RHCG: variants seen among roughly 807,000 people sequenced by gnomAD.
RHCG encodes Rh family C glycoprotein, also known as ammonium transporter Rh type C.
In RHCG, 39 loss-of-function variants were observed where a neutral mutation model predicts 55.3. The observed-to-expected ratio is 0.70, with a 90% confidence interval of 0.55 to 0.92. The LOEUF (loss-of-function observed/expected upper bound fraction) is 0.92. Ranked by LOEUF, RHCG falls within the 40% of genes least tolerant of loss-of-function variation. The pLI is 0.00. For missense variants in RHCG, 635 were observed against 627.9 expected (o/e 1.01, Z -0.12); for synonymous variants, 250 against 246.8 (o/e 1.01, Z -0.12).
In RHCG at chr15:89,471,504, G is replaced by A. The variant is rs1168162084; in HGVS notation, c.*376C>T. On this transcript the variant is annotated 3_prime_UTR_variant, in exon 11 of 11. Transcript: ENST00000268122. ...CCAGGGAGCATAGGAGATGCTGGCC[G>A]AGGTGCAGGCACGGGGTAGAAGAGC... is the stretch of plus-strand genomic sequence containing the variant. 2.6e-5 allele frequency: 4 copies of A among 152,454 alleles called. No homozygotes were observed. The highest frequency in any genetic ancestry group is 1.9e-4 in the East Asian group (1 of 5,204). 9.4% of individuals were successfully genotyped at this position (152,454 alleles called of 1,614,324 possible).
In RHCG at chr15:89,472,849, G is replaced by C. The variant is rs1416970793; in HGVS notation, c.1326C>G (p.Asn442Lys). Residue 442 changes from asparagine to lysine, a missense_variant, in exon 10 of 11, where the codon AAC becomes AAG. Physicochemically the swap from Asn to Lys is moderately conservative, Grantham distance 94 (BLOSUM62 0). Coordinates refer to ENST00000268122, the MANE Select transcript of RHCG (RefSeq NM_016321.3). The stretch of plus-strand genomic sequence containing the variant: ...GGTCCTCAGGGATGTAGACAGTGCT[G>C]TTCCCTTCAGGCATCTACAGAGAGA... ...DAVYWEMPEG[N>K]STVYIPEDPT... The C allele has an allele frequency of 6.7e-7, 1 of 1,500,724 alleles. No homozygotes were observed. Among genetic ancestry groups the C allele is most frequent in the Non-Finnish European group, 8.9e-7 (1 of 1,117,570 alleles). The allele number at this position is 1,500,724 out of a possible 1,614,324, so 93.0% of individuals were successfully genotyped here.
intron 4 of RHCG, 153 bp from the exon 5 acceptor site, chr15:89,479,641 T>A: frequency 1.5e-6 from 1 of 685,082 alleles, no homozygotes; most frequent in Non-Finnish European, 2.4e-6. Context: ...GGGCTCTTCC[T>A]GGAAGGCCCT....
chr15:89,493,928 G>A (rs1055491356), intron 1 of RHCG, among the ~76,000 whole-genome samples: 4 of 152,056 alleles, frequency 2.6e-5, no homozygotes, highest in East Asian at 1.9e-4. Flanking sequence ...ATGCACGTGC[G>A]GTTGGAGGGG....
At chr15:89,481,999 G>A (rs561573098) in intron 3 of RHCG, among the ~76,000 whole-genome samples, 2 of 152,070 alleles carry the variant, frequency 1.3e-5, no homozygotes, top group Admixed American at 6.5e-5. Context: ...ACAGGGTTTC[G>A]CCATGTTGGC....
intron 1 of RHCG, among the ~76,000 whole-genome samples, chr15:89,494,329 A>G (rs1431951974): frequency 6.6e-6 from 1 of 152,014 alleles, no homozygotes; most frequent in Non-Finnish European, 1.5e-5. Context: ...AGGATATTCA[A>G]CTTATTTATC....
chr15:89,475,853 G>A (rs577714213), intron 9 of RHCG, among the ~76,000 whole-genome samples: 32 of 152,144 alleles, frequency 2.1e-4, no homozygotes, highest in Non-Finnish European at 4.3e-4. Flanking sequence ...GCATCTTAGC[G>A]CGAAAACCGC....
chr15:89,472,599 C>G, intron 10 of RHCG, 112 bp downstream of exon 10: 1 of 1,117,364 alleles, frequency 8.9e-7, no homozygotes, highest in Non-Finnish European at 1.3e-6. Flanking sequence ...GGTGGAAGCC[C>G]TCATTTCTTG....
rs923645329 is a variant in RHCG, at chr15:89,477,925, G to A, written c.887C>T (p.Ala296Val). 3.1e-6 allele frequency: 5 copies of A among 1,613,604 alleles called. No individual in the cohort carries two copies. The highest frequency in any genetic ancestry group is 4.2e-6 in the Non-Finnish European group (5 of 1,179,692). The stretch of plus-strand genomic sequence containing the variant: ...GTAAGGCATGAGCATCATCTCAGCA[G>A]CGGTACCCACGGCCACCCCTCCTGC... ...TLAGGVAVGT[A>V]AEMMLMPYGA... Residue 296 changes from alanine (A) to valine (V), a missense_variant, in exon 6 of 11, where the codon GCT (alanine) becomes GTT (valine). Transcript: ENST00000268122. The surrounding 1 kb of genome is among the most constrained non-coding windows in gnomAD (Gnocchi z 4.5).
intron 10 of RHCG, among the ~76,000 whole-genome samples, chr15:89,472,248 A>AG (rs1384619961): frequency 6.6e-6 from 1 of 152,084 alleles, no homozygotes; most frequent in Non-Finnish European, 1.5e-5. Flanking sequence ...GCCATGAGCA[A>AG]GGGCTTGGTG....
intron 2 of RHCG, among the ~76,000 whole-genome samples, chr15:89,485,090 A>C (rs1961336200): frequency 6.6e-6 from 1 of 152,212 alleles, no homozygotes; most frequent in African/African-American, 2.4e-5. Flanking sequence ...CAATCTCCTG[A>C]GAGCCAATTT....
rs1329765455 is a variant in RHCG at position 89,491,654 on chromosome 15, C to T, written c.185-4669G>A. On this transcript the variant is annotated intron_variant, in intron 1 of 10. Coordinates refer to ENST00000268122, the MANE Select transcript of RHCG (RefSeq NM_016321.3). ...AGGTAGTGCACGCCTTTAATCCCAGCTACTCGAGAGGCAGAGGCAGGAGAA... is the reference window on the plus strand; with the variant it reads ...AGGTAGTGCACGCCTTTAATCCCAGTTACTCGAGAGGCAGAGGCAGGAGAA... 3.9e-5 allele frequency among the ~76,000 whole-genome samples: 6 copies of T among 152,208 alleles called. No individual in the cohort carries two copies. The East Asian group carries it at 9.7e-4, about 24-fold the overall frequency.
chr15:89,496,339 G>A (rs747676339), intron 1 of RHCG, 22 bp downstream of exon 1: 2 of 1,612,808 alleles, frequency 1.2e-6, no homozygotes, highest in African/African-American at 2.7e-5. Flanking sequence ...CCTCCGCTGG[G>A]CCTGCAGGCG....
chr15:89,488,930 C>T (rs1200046163), intron 1 of RHCG, among the ~76,000 whole-genome samples: 1 of 152,028 alleles, frequency 6.6e-6, no homozygotes, highest in Non-Finnish European at 1.5e-5. Context: ...AAGAGAATAT[C>T]CCCCTTCTTA....
At position 89,486,848 on chromosome 15, in the gene RHCG, C is replaced by T. The variant is rs553520502; in HGVS notation, c.322G>A (p.Gly108Ser). ...FGIQWALLMQ[G>S]WFHFLQDRYI... is the part of the protein sequence containing the mutation. ...CGGTCTTGTAAGAAGTGGAACCAGC[C>T]CTGCATGAGCAGCGCCCACTGGATG... Residue 108 changes from glycine (G) to serine (S), a missense_variant, in exon 2 of 11, where the codon GGC (glycine) becomes AGC (serine). Transcript: ENST00000268122. 5 of 1,610,516 alleles carry T rather than the reference C, an allele frequency of 3.1e-6. No individual in the cohort carries two copies. The highest frequency in any genetic ancestry group is 4.2e-6 in the Non-Finnish European group (5 of 1,177,232).
At chr15:89,483,498 A>T (rs1238671507) in intron 2 of RHCG, among the ~76,000 whole-genome samples, 2 of 152,006 alleles carry the variant, frequency 1.3e-5, no homozygotes, top group African/African-American at 4.8e-5. Flanking sequence ...TCAGGGCACC[A>T]TGTGGTCTGG....
chr15:89,475,238 C>T (rs1961126253), intron 9 of RHCG, among the ~76,000 whole-genome samples: 1 of 150,224 alleles, frequency 6.7e-6, no homozygotes, highest in Admixed American at 6.7e-5. Flanking sequence ...CTTTTCTTTC[C>T]TTCCTTTTTT....
At position 89,486,812 on chromosome 15, in the gene RHCG, C is replaced by A. The variant is rs138095319; in HGVS notation, c.358G>T (p.Val120Leu). 12 of 1,590,956 alleles carry A rather than the reference C, an allele frequency of 7.5e-6. No homozygotes were observed. The African/African-American group carries it at 1.6e-4, about 21-fold the overall frequency. The change falls in exon 2 of 11, where the codon GTG becomes TTG. Residue 120 changes from valine to leucine, a missense_variant. Coordinates refer to ENST00000268122, the MANE Select transcript of RHCG (RefSeq NM_016321.3). ...CCCTGCGCTCACTTCTCCACGCCCA[C>A]GACGATGTAGCGGTCTTGTAAGAAG... ...FHFLQDRYIV[V>L]GVENLINADF...
chr15:89,479,963 G>A (rs1365851784), intron 4 of RHCG, among the ~76,000 whole-genome samples: 5 of 152,244 alleles, frequency 3.3e-5, no homozygotes, highest in Non-Finnish European at 7.3e-5. Flanking sequence ...GCAGCTCCTG[G>A]TTACCACTGT....
chr15:89,483,268 A>G (rs1428922080), intron 2 of RHCG, 51 bp from the exon 3 acceptor site: 6 of 1,458,034 alleles, frequency 4.1e-6, no homozygotes, highest in Non-Finnish European at 5.5e-6. Flanking sequence ...AAAAAGTGGC[A>G]CTGGAGGCCC....
Sources: gnomAD v4.1 joint callset for allele counts (sites outside exome capture counted in the v4.1 genomes callset) on GRCh38, gnomAD v4.1.1 for gene constraint, Gnocchi (gnomAD v3.1) non-coding constraint, MANE v1.5 for transcripts, NCBI Gene and HGNC (gene_info 2026-07-23, HGNC 2026-07-21) for gene names.